Variants in GRK5 observed in about 807,000 individuals in gnomAD.
The protein encoded by GRK5 is g protein-coupled receptor kinase GRK5.
GRK5 carries 40 observed loss-of-function variants against 78.4 expected under a neutral mutation model. That is an observed-to-expected ratio of 0.51 (90% CI 0.40 to 0.66). The LOEUF is 0.66. Among genes scored for constraint, GRK5 ranks in the 30% least tolerant of loss-of-function variants. The pLI is 0.00. For missense variants in GRK5, 598 were observed against 759.9 expected (o/e 0.79, Z 2.50); for synonymous variants, 289 against 296.8 (o/e 0.97, Z 0.27).
chr10:119,265,457 G>A (rs1849478817), intron 1 of GRK5, among the ~76,000 whole-genome samples: 1 of 152,108 alleles, frequency 6.6e-6, no homozygotes, highest in Admixed American at 6.5e-5. Flanking sequence ...ATGAGGATGG[G>A]GCCTCCATGA....
intron 1 of GRK5, among the ~76,000 whole-genome samples, chr10:119,210,403 A>G (rs1848468712): frequency 6.6e-6 from 1 of 152,222 alleles, no homozygotes; most frequent in South Asian, 2.1e-4. Flanking sequence ...CTGGGCCTTT[A>G]TTAGAGACTT....
intron 1 of GRK5, among the ~76,000 whole-genome samples, chr10:119,227,423 C>T (rs1848759469): frequency 6.6e-6 from 1 of 151,922 alleles, no homozygotes; most frequent in Non-Finnish European, 1.5e-5. Context: ...AAAAATTAGC[C>T]GGGCATGGTG....
intron 1 of GRK5, among the ~76,000 whole-genome samples, chr10:119,289,514 A>G (rs1243432655): frequency 6.6e-6 from 1 of 152,192 alleles, no homozygotes; most frequent in African/African-American, 2.4e-5. Context: ...GCCTATGTGC[A>G]TGTCACAGAT....
At chr10:119,222,557 G>A (rs1320439491) in intron 1 of GRK5, among the ~76,000 whole-genome samples, 6 of 151,914 alleles carry the variant, frequency 3.9e-5, no homozygotes. Flanking sequence ...AATAGAAAAC[G>A]CCCATTAAAA....
At chr10:119,293,374 T>C (rs1850017788) in intron 1 of GRK5, among the ~76,000 whole-genome samples, 1 of 152,198 alleles carries the variant, frequency 6.6e-6, no homozygotes, top group East Asian at 1.9e-4. Context: ...AGCTAACAGA[T>C]GCTAAGCTCT....
chr10:119,262,292 C>T (rs908153434), intron 1 of GRK5, among the ~76,000 whole-genome samples: 1 of 148,966 alleles, frequency 6.7e-6, no homozygotes, highest in Non-Finnish European at 1.5e-5. Context: ...GGGTTCTGTG[C>T]AGCCTGAAGA....
In GRK5 at chr10:119,336,790, A is replaced by G. The variant is rs1281002585; in HGVS notation, c.148+10179A>G. ...TTCTGCCACCTAGCCGTGCTGTGAT[A>G]AGGCACAGCATCTGCTTGTCCTTGG... On this transcript the variant is annotated intron_variant, in intron 2 of 15. Transcript: ENST00000392870. The surrounding 1 kb of genome is among the most constrained non-coding windows in gnomAD (Gnocchi z 4.5). 6.6e-6 allele frequency among the ~76,000 whole-genome samples: 1 copy of G among 152,174 alleles called. No individual in the cohort carries two copies. The highest frequency in any genetic ancestry group is 2.4e-5 in the African/African-American group (1 of 41,444).
intron 5 of GRK5, among the ~76,000 whole-genome samples, chr10:119,423,851 G>T (rs931507181): frequency 2.0e-5 from 3 of 152,062 alleles, no homozygotes; most frequent in African/African-American, 7.3e-5. Flanking sequence ...GTTCTCCAAA[G>T]CCAGGTTACC....
At chr10:119,448,701 G>A (rs1176929435) in intron 13 of GRK5, among the ~76,000 whole-genome samples, 1 of 152,064 alleles carries the variant, frequency 6.6e-6, no homozygotes. Flanking sequence ...TACTGTTGAC[G>A]CCAGGTTCTG....
At chr10:119,312,314 A>G (rs1383447065) in intron 1 of GRK5, among the ~76,000 whole-genome samples, 1 of 152,200 alleles carries the variant, frequency 6.6e-6, no homozygotes, top group East Asian at 1.9e-4. Context: ...GGAGAACGTG[A>G]GAGCTGTGCA....
chr10:119,273,409 A>C (rs1339217491), intron 1 of GRK5, among the ~76,000 whole-genome samples: 4 of 152,218 alleles, frequency 2.6e-5, no homozygotes. Flanking sequence ...GGGTGAGCTC[A>C]GGAGCTGCAG....
At chr10:119,422,640 G>A (rs114848712) in intron 4 of GRK5, among the ~76,000 whole-genome samples, 9 of 152,140 alleles carry the variant, frequency 5.9e-5, no homozygotes, top group Admixed American at 3.3e-4. Flanking sequence ...CATGAACCTC[G>A]AGGCTGGGCA....
intron 1 of GRK5, among the ~76,000 whole-genome samples, chr10:119,265,040 A>G (rs535182321): frequency 6.6e-6 from 1 of 152,336 alleles, no homozygotes. Context: ...TTGGACAGGC[A>G]GCAGCCTTGC....
intron 2 of GRK5, among the ~76,000 whole-genome samples, chr10:119,375,081 G>A (rs368830615): frequency 1.3e-5 from 2 of 152,082 alleles, no homozygotes; most frequent in Non-Finnish European, 1.5e-5. Flanking sequence ...GCCCCTTCAC[G>A]CCTCACCTCC....
intron 2 of GRK5, among the ~76,000 whole-genome samples, chr10:119,344,894 C>T (rs1336109427): frequency 7.1e-6 from 1 of 141,298 alleles, no homozygotes; most frequent in Non-Finnish European, 1.6e-5. Flanking sequence ...TCCTTCCTTC[C>T]TTCCTTCCTT....
chr10:119,404,299 C>T (rs1198438613), intron 4 of GRK5, among the ~76,000 whole-genome samples: 1 of 152,124 alleles, frequency 6.6e-6, no homozygotes, highest in African/African-American at 2.4e-5. Context: ...TGCTTTTTGG[C>T]CACTTGTGTA....
At chr10:119,243,171 A>T (rs61876605) in intron 1 of GRK5, among the ~76,000 whole-genome samples, 16,592 of 152,144 alleles carry the variant, frequency 0.11, 1,585 homozygotes, top group African/African-American at 0.26. Flanking sequence ...TGGGAGGTGG[A>T]AGTTGCAGTG....
rs7078228 is a variant in GRK5, at chr10:119,217,231, T to C, written c.52+9262T>C. ...AGGGGCAAATTGGGAATATAATTTC[T>C]GTCTCAGACCGTGATTTCAGCTGAG... On this transcript the variant is annotated intron_variant, in intron 1 of 15. Coordinates refer to ENST00000392870, the MANE Select transcript of GRK5 (RefSeq NM_005308.3). This position sits in a 1 kb window ranked among gnomAD's most constrained non-coding sequence, Gnocchi z 4.1. 0.078 allele frequency among the ~76,000 whole-genome samples: 11,942 copies of C among 152,318 alleles called. 949 individuals are homozygous for C. Among genetic ancestry groups the C allele is most frequent in the African/African-American group, 0.2 (8,327 of 41,544 alleles).
intron 1 of GRK5, among the ~76,000 whole-genome samples, chr10:119,274,552 G>A (rs1490284058): frequency 6.6e-6 from 1 of 152,200 alleles, no homozygotes; most frequent in Non-Finnish European, 1.5e-5. Flanking sequence ...GGAGGCTCTG[G>A]ACAGTTGACT....
Sources: allele counts gnomAD v4.1 joint callset (sites outside exome capture counted in the v4.1 genomes callset), GRCh38; gene constraint gnomAD v4.1.1; non-coding constraint Gnocchi (gnomAD v3.1); transcripts MANE v1.5; gene names NCBI Gene and HGNC (gene_info 2026-07-23, HGNC 2026-07-21).